Variants in CLTC observed in about 807,000 individuals in gnomAD.
CLTC encodes clathrin heavy chain 1.
In CLTC, 16 loss-of-function variants were observed where a neutral mutation model predicts 195.8. The observed-to-expected ratio is 0.08, with a 90% CI of 0.06 to 0.12. The LOEUF (loss-of-function observed/expected upper bound fraction) is 0.12. Among genes scored for constraint, CLTC ranks in the 10% least tolerant of loss-of-function variants. The probability of loss-of-function intolerance (pLI) is 1.00; values close to 1 mark genes in which losing one functional copy is unlikely to be tolerated. For synonymous variants in CLTC, 667 were observed against 689.4 expected (o/e 0.97, Z 0.51); for missense variants, 796 against 2,027.0 (o/e 0.39, Z 11.66).
intron 1 of CLTC, among the ~76,000 whole-genome samples, chr17:59,627,654 T>G (rs1414283649): frequency 6.6e-6 from 1 of 152,226 alleles, no homozygotes. Context: ...ACATCTGACT[T>G]TATGCCTTGA....
chr17:59,665,027 C>G (rs2032696027), intron 10 of CLTC, 118 bp downstream of exon 10: 4 of 1,315,330 alleles, frequency 3.0e-6, no homozygotes, highest in Non-Finnish European at 4.2e-6. Flanking sequence ...GAATTCAAGA[C>G]CAGTCTGGGC....
chr17:59,682,489 T>G lies in CLTC; in HGVS notation c.3600+61T>G. The G allele has an allele frequency of 1.3e-6, 2 of 1,600,006 alleles. No homozygotes were observed. Among genetic ancestry groups the G allele is most frequent in the Non-Finnish European group, 1.7e-6 (2 of 1,170,712 alleles). Reference sequence around the variant, plus strand: ...GGGCTACTTGATTAGCTTGGTAGGATCAAAACATCATAACTGAAGAATTCC... The same window carrying G: ...GGGCTACTTGATTAGCTTGGTAGGAGCAAAACATCATAACTGAAGAATTCC... On this transcript the variant is annotated intron_variant, in intron 22 of 31. Coordinates refer to ENST00000269122, the MANE Select transcript of CLTC (RefSeq NM_004859.4). This position sits in a 1 kb window ranked among gnomAD's most constrained non-coding sequence, Gnocchi z 6.8.
intron 3 of CLTC, 150 bp downstream of exon 3, chr17:59,647,816 C>T: frequency 1.5e-6 from 1 of 677,154 alleles, no homozygotes; most frequent in Non-Finnish European, 2.5e-6. Flanking sequence ...CCTCCCATCC[C>T]TTCTCTTCTC....
chr17:59,656,273 G>C, intron 6 of CLTC: 1 of 342,192 alleles, frequency 2.9e-6, no homozygotes. Context: ...TGAATACAAA[G>C]TCTCTCTTTA....
chr17:59,692,114 C>T (rs567714356), intron 31 of CLTC, among the ~76,000 whole-genome samples: 53 of 152,224 alleles, frequency 3.5e-4, no homozygotes, highest in African/African-American at 1.2e-3. Context: ...GTCAGGAGAT[C>T]AAGACCATCC....
rs1567940159 is a variant in CLTC at position 59,644,263 on chromosome 17, T to C, written c.43-13T>C. Reference sequence around the variant, plus strand: ...ATCCACTTGGTAACATGGTTTCTTATTATTTTTTCTAGCTCCAGAACCTGG... The same window carrying C: ...ATCCACTTGGTAACATGGTTTCTTACTATTTTTTCTAGCTCCAGAACCTGG... On this transcript the variant is annotated splice_polypyrimidine_tract_variant and intron_variant, in intron 1 of 31. Coordinates refer to ENST00000269122, the MANE Select transcript of CLTC (RefSeq NM_004859.4). 2 of 1,609,614 alleles carry C rather than the reference T, an allele frequency of 1.2e-6. No individual in the cohort carries two copies. Among genetic ancestry groups the C allele is most frequent in the Non-Finnish European group, 1.7e-6 (2 of 1,177,866 alleles).
intron 1 of CLTC, among the ~76,000 whole-genome samples, chr17:59,631,490 A>G (rs1293236332): frequency 1.3e-5 from 2 of 152,230 alleles, no homozygotes. Context: ...AAAATTGTTG[A>G]CATCATCTGT....
At chr17:59,676,360 C>T (rs1410567063) in intron 16 of CLTC, among the ~76,000 whole-genome samples, 1 of 152,148 alleles carries the variant, frequency 6.6e-6, no homozygotes, top group Non-Finnish European at 1.5e-5. Context: ...TAGGGTTTGG[C>T]TGTAGGTAAT....
Position 59,619,973 on chromosome 17 carries a change from G to C in CLTC, c.-159G>C, listed in dbSNP as rs992257999. 2 of 629,064 alleles carry C rather than the reference G, an allele frequency of 3.2e-6. No individual in the cohort carries two copies. Among genetic ancestry groups the C allele is most frequent in the African/African-American group, 3.7e-5 (2 of 54,612 alleles). 39.0% of individuals were successfully genotyped at this position (629,064 alleles called of 1,614,324 possible). ...CCCCTGGAGCCTCCGCCCCCGACCC[G>C]AGCTCTTTCGTCTGCCTGCCAGTTT... On this transcript the variant is annotated 5_prime_UTR_variant, in exon 1 of 32. Coordinates refer to ENST00000269122, the MANE Select transcript of CLTC (RefSeq NM_004859.4).
At chr17:59,669,755 T>C (rs2032806576) in intron 14 of CLTC, among the ~76,000 whole-genome samples, 2 of 152,062 alleles carry the variant, frequency 1.3e-5, no homozygotes, top group Non-Finnish European at 2.9e-5. Context: ...CCTGAGACTT[T>C]ATAGAAAGTT....
In CLTC at chr17:59,694,464, T is replaced by C. The variant is rs1238980598; in HGVS notation, c.*612T>C. 3 of 224,406 alleles carry C rather than the reference T, an allele frequency of 1.3e-5. No individual in the cohort carries two copies. Among genetic ancestry groups the C allele is most frequent in the Admixed American group, 5.7e-5 (1 of 17,448 alleles). The allele number at this position is 224,406 out of a possible 1,614,324, so 13.9% of individuals were successfully genotyped here. On this transcript the variant is annotated 3_prime_UTR_variant, in exon 32 of 32. Transcript: ENST00000269122. ...CCTCTAACCTATGCAGGTTTCCCCA[T>C]TATGCATATAGAAAATGCTAGTATG...
Position 59,685,874 on chromosome 17 carries a change from A to G in CLTC, c.4827+66A>G. 8.5e-7 allele frequency: 1 copy of G among 1,174,734 alleles called. No homozygotes were observed. The highest frequency in any genetic ancestry group is 1.2e-6 in the Non-Finnish European group (1 of 831,452). The allele number at this position is 1,174,734 out of a possible 1,614,324, so 72.8% of individuals were successfully genotyped here. A position where few individuals can be genotyped will look rare whatever the true frequency, so the allele number is the denominator to read the frequency against. On this transcript the variant is annotated intron_variant, in intron 30 of 31. Transcript: ENST00000269122. The surrounding 1 kb of genome is among the most constrained non-coding windows in gnomAD (Gnocchi z 5.0). ...CATGTAAAATTCTACATGCACATTA[A>G]TTTTTTTAAATGCTTTTTTCTTTAG...
At chr17:59,650,394 A>AAGTAC (rs1356892650) in intron 4 of CLTC, among the ~76,000 whole-genome samples, 6 of 152,176 alleles carry the variant, frequency 3.9e-5, no homozygotes, top group Admixed American at 6.5e-5. Flanking sequence ...GCTAGGAGAA[A>AAGTAC]AGTACCATTG....
At chr17:59,654,517 G>T (rs1219180034) in intron 5 of CLTC, among the ~76,000 whole-genome samples, 1 of 151,846 alleles carries the variant, frequency 6.6e-6, no homozygotes, top group African/African-American at 2.4e-5. Flanking sequence ...ATCTCACTCT[G>T]TCGCCCAGGC....
chr17:59,696,955 ACT>A (rs2033443492), exon 32 of CLTC: 1 of 198,968 alleles, frequency 5.0e-6, no homozygotes, highest in African/African-American at 2.3e-5. Flanking sequence ...ATGCTATAAA[ACT>A]CAACCTGGAG....
At chr17:59,626,571 TCTCA>T (rs1166001069) in intron 1 of CLTC, among the ~76,000 whole-genome samples, 1 of 152,244 alleles carries the variant, frequency 6.6e-6, no homozygotes, top group Non-Finnish European at 1.5e-5. Flanking sequence ...AAGTGAATCT[TCTCA>T]CTTAGATGAG....
chr17:59,665,047 A>T, intron 10 of CLTC, 138 bp downstream of exon 10: 1 of 1,110,524 alleles, frequency 9.0e-7, no homozygotes, highest in East Asian at 2.6e-5. Context: ...CAACATTGTG[A>T]GACCCTGTAA....
chr17:59,644,546 T>TTGG, intron 2 of CLTC, 63 bp downstream of exon 2: 3 of 934,020 alleles, frequency 3.2e-6, no homozygotes, highest in Non-Finnish European at 4.7e-6. Flanking sequence ...TTTGTTTTTT[T>TTGG]TTTGTTTGTT....
rs1598254850 is a variant in CLTC, at chr17:59,696,738, C to CAGTT, written c.*2888_*2891dup. 1 of 207,050 alleles carries CAGTT rather than the reference C, an allele frequency of 4.8e-6. No individual in the cohort carries two copies. Among genetic ancestry groups the CAGTT allele is most frequent in the South Asian group, 1.9e-4 (1 of 5,290 alleles). The allele number at this position is 207,050 out of a possible 1,614,324, so 12.8% of individuals were successfully genotyped here. On this transcript the variant is annotated 3_prime_UTR_variant, in exon 32 of 32. Transcript: ENST00000269122. Reference sequence around the variant, plus strand: ...GGGATGACAAACTACGTTCACTTTACAGTTACCATAAATTCTTACTTGGGC... The same window carrying CAGTT: ...GGGATGACAAACTACGTTCACTTTACAGTTAGTTACCATAAATTCTTACTTGGGC...
Sources: gnomAD v4.1 joint callset for allele counts (sites outside exome capture counted in the v4.1 genomes callset) on GRCh38, gnomAD v4.1.1 for gene constraint, Gnocchi (gnomAD v3.1) non-coding constraint, MANE v1.5 for transcripts, NCBI Gene and HGNC (gene_info 2026-07-23, HGNC 2026-07-21) for gene names.